Variants in RGS6 observed in about 807,000 individuals in gnomAD.
The protein encoded by RGS6 is regulator of G protein signaling 6.
Under a neutral mutation model 78.5 loss-of-function variants are expected in RGS6, and 30 were observed. The ratio of observed to expected loss-of-function variants is 0.38; its 90% CI spans 0.29 to 0.52. The LOEUF (loss-of-function observed/expected upper bound fraction) is 0.52, where lower values mean the gene tolerates loss of function less well. Ranked by LOEUF, RGS6 falls within the 20% of genes least tolerant of loss-of-function variation. The pLI is 0.85. For missense variants in RGS6, 495 were observed against 609.7 expected (o/e 0.81, Z 1.98); for synonymous variants, 206 against 206.0 (o/e 1.00, Z 0.00).
the RGS6 span, among the ~76,000 whole-genome samples, chr14:72,571,912 G>A: frequency 6.6e-6 from 1 of 152,162 alleles, no homozygotes; most frequent in Non-Finnish European, 1.5e-5. Flanking sequence ...GGCTATCAAG[G>A]TATTTATATT....
intron 2 of RGS6, among the ~76,000 whole-genome samples, chr14:72,021,268 A>T (rs1243387358): frequency 1.3e-5 from 2 of 151,956 alleles, no homozygotes; most frequent in Non-Finnish European, 2.9e-5. Flanking sequence ...GCACTTTGCT[A>T]CTTTATTTCT....
At chr14:72,371,307 A>G (rs930296019) in intron 3 of RGS6, among the ~76,000 whole-genome samples, 1 of 152,170 alleles carries the variant, frequency 6.6e-6, no homozygotes. Flanking sequence ...ATGTCGCATT[A>G]ATTCATCTTT....
At chr14:72,325,958 T>TACAATGTTGATTAGGAGCAAATTGCC (rs1567760472) in intron 2 of RGS6, among the ~76,000 whole-genome samples, 3 of 152,210 alleles carry the variant, frequency 2.0e-5, no homozygotes, top group African/African-American at 7.2e-5. Flanking sequence ...CATGAATTGG[T>TACAATGTTGATTAGGAGCAAATTGCC]ACAATGTTGA....
chr14:72,417,538 C>T (rs994808282), intron 3 of RGS6, among the ~76,000 whole-genome samples: 3 of 152,144 alleles, frequency 2.0e-5, no homozygotes, highest in African/African-American at 7.2e-5. Context: ...CCTTTGTAGA[C>T]CCTCTGGCAC....
intron 15 of RGS6, among the ~76,000 whole-genome samples, chr14:72,534,775 C>T (rs1382036687): frequency 6.6e-6 from 1 of 152,234 alleles, no homozygotes; most frequent in East Asian, 1.9e-4. Flanking sequence ...TCCTTCGATC[C>T]CTTCCCTGGA....
intron 2 of RGS6, among the ~76,000 whole-genome samples, chr14:72,012,758 C>A (rs2086045164): frequency 6.6e-6 from 1 of 152,202 alleles, no homozygotes; most frequent in African/African-American, 2.4e-5. Context: ...TGTGCCTCAA[C>A]CAGTTACTAC....
intron 3 of RGS6, among the ~76,000 whole-genome samples, chr14:72,441,468 C>T (rs1280086709): frequency 6.6e-6 from 1 of 151,904 alleles, no homozygotes; most frequent in African/African-American, 2.4e-5. Flanking sequence ...AGGAAATGCA[C>T]CACCAGGGCA....
chr14:72,379,587 A>AT (rs1352641947), intron 3 of RGS6, among the ~76,000 whole-genome samples: 1 of 152,086 alleles, frequency 6.6e-6, no homozygotes, highest in Non-Finnish European at 1.5e-5. Context: ...CAATAGTTAC[A>AT]TTTAAAAAAA....
chr14:72,377,564 T>G (rs1397834103), intron 3 of RGS6, among the ~76,000 whole-genome samples: 2 of 152,176 alleles, frequency 1.3e-5, no homozygotes, highest in Admixed American at 6.5e-5. Context: ...TAACGACATT[T>G]ACAGAATATT....
intron 2 of RGS6, among the ~76,000 whole-genome samples, chr14:72,019,814 G>A (rs139420969): frequency 3.5e-4 from 53 of 152,182 alleles, no homozygotes; most frequent in African/African-American, 1.2e-3. Context: ...TGGACTCCAG[G>A]GTCCTTCACC....
At chr14:72,239,509 C>T (rs549421630) in intron 2 of RGS6, among the ~76,000 whole-genome samples, 2 of 152,284 alleles carry the variant, frequency 1.3e-5, no homozygotes, top group South Asian at 2.1e-4. Context: ...ATTGTCAGAC[C>T]ATCACCTGAC....
chr14:72,601,008 G>GAGA, the RGS6 span, among the ~76,000 whole-genome samples: 4 of 92,548 alleles, frequency 4.3e-5, no homozygotes, highest in Non-Finnish European at 1.1e-4. Context: ...GGAGGGGGGA[G>GAGA]AGGAGGAGGA....
intron 3 of RGS6, among the ~76,000 whole-genome samples, chr14:72,425,418 C>T (rs754756855): frequency 3.9e-5 from 6 of 152,080 alleles, no homozygotes; most frequent in East Asian, 1.9e-4. Context: ...GGATTATAGG[C>T]GTGAGCCACC....
rs111447918 is a variant in RGS6 at position 72,549,498 on chromosome 14, A to G, written c.1422+9404A>G. Among the ~76,000 whole-genome samples the G allele has an allele frequency of 1.3e-3, 192 of 152,360 alleles. 3 individuals are homozygous for G. Among genetic ancestry groups the G allele is most frequent in the African/African-American group, 4.6e-3 (191 of 41,582 alleles). The stretch of plus-strand genomic sequence containing the variant: ...AAAGGGTGTTTTGTTGAAAGCAAAA[A>G]GGATCATAAAGTCATTTGCCTTTTA... On this transcript the variant is annotated intron_variant, in intron 17 of 17. Coordinates refer to ENST00000553525, the MANE Select transcript of RGS6 (RefSeq NM_001204424.2).
chr14:71,878,650 G>T, the RGS6 span, among the ~76,000 whole-genome samples: 1 of 152,140 alleles, frequency 6.6e-6, no homozygotes, highest in Non-Finnish European at 1.5e-5. Flanking sequence ...GCAATGCCTT[G>T]CCCTGCTTTG....
intron 2 of RGS6, among the ~76,000 whole-genome samples, chr14:72,042,505 A>G (rs1421061536): frequency 6.6e-6 from 1 of 152,174 alleles, no homozygotes; most frequent in East Asian, 1.9e-4. Context: ...TTCATTCAAC[A>G]TGAGTAATTA....
At chr14:72,199,084 G>T (rs1023857830) in intron 2 of RGS6, among the ~76,000 whole-genome samples, 1 of 152,176 alleles carries the variant, frequency 6.6e-6, no homozygotes, top group Non-Finnish European at 1.5e-5. Context: ...ATTTCTGTGA[G>T]GGAGTATGAC....
intron 2 of RGS6, among the ~76,000 whole-genome samples, chr14:72,328,483 G>A (rs1021415287): frequency 4.6e-5 from 7 of 152,136 alleles, no homozygotes. Flanking sequence ...AAATTAATAG[G>A]GAGATGAAAC....
intron 2 of RGS6, among the ~76,000 whole-genome samples, chr14:72,039,482 C>A (rs1349452249): frequency 6.6e-6 from 1 of 152,084 alleles, no homozygotes; most frequent in Admixed American, 6.6e-5. Context: ...GACTTAAAAT[C>A]TATTTGTCTA....
Sources: allele counts gnomAD v4.1 joint callset (sites outside exome capture counted in the v4.1 genomes callset), GRCh38; gene constraint gnomAD v4.1.1; transcripts MANE v1.5; gene names NCBI Gene and HGNC (gene_info 2026-07-23, HGNC 2026-07-21).